SLC25A26: variants seen among roughly 807,000 people sequenced by gnomAD.
SLC25A26 encodes the protein solute carrier family 25 member 26, also known as mitochondrial S-adenosylmethionine carrier protein.
SLC25A26 carries 36 observed loss-of-function variants against 37.8 expected under a neutral mutation model. The ratio of observed to expected loss-of-function variants is 0.95; its 90% CI spans 0.73 to 1.26. SLC25A26 has a LOEUF of 1.26. Ranked by LOEUF, SLC25A26 falls within the 50% of genes most tolerant of loss-of-function variation. The pLI, the probability that SLC25A26 is intolerant of heterozygous loss-of-function variation, is 0.00. For synonymous variants in SLC25A26, 129 were observed against 122.5 expected (o/e 1.05, Z -0.35); for missense variants, 390 against 331.1 (o/e 1.18, Z -1.38).
intron 2 of SLC25A26, among the ~76,000 whole-genome samples, chr3:66,240,409 T>C (rs1042759469): frequency 1.3e-5 from 2 of 152,028 alleles, no homozygotes; most frequent in Non-Finnish European, 2.9e-5. Flanking sequence ...CCCACCTCAG[T>C]CCCAAGTAGC....
intron 1 of SLC25A26, among the ~76,000 whole-genome samples, chr3:66,184,842 C>G (rs2070795415): frequency 6.6e-6 from 1 of 152,072 alleles, no homozygotes; most frequent in Admixed American, 6.6e-5. Context: ...TGACCCTGAC[C>G]AACAACTCAA....
At chr3:66,208,501 T>A (rs1471749896) in intron 1 of SLC25A26, among the ~76,000 whole-genome samples, 3 of 151,742 alleles carry the variant, frequency 2.0e-5, no homozygotes, top group African/African-American at 7.3e-5. Context: ...TCTTTGTGTT[T>A]TGTCTGTCAA....
intron 5 of SLC25A26, among the ~76,000 whole-genome samples, chr3:66,338,177 A>G (rs144619523): frequency 1.1e-3 from 163 of 152,132 alleles, no homozygotes; most frequent in African/African-American, 3.6e-3. Flanking sequence ...CAATGTATCA[A>G]TAATTTTTTT....
rs150225570 is a variant in SLC25A26 at position 66,311,150 on chromosome 3, T to G, written c.454-35214T>G. On this transcript the variant is annotated intron_variant, in intron 5 of 9. Transcript: ENST00000354883. The stretch of plus-strand genomic sequence containing the variant: ...CACCAATCAATCGTAGGTTTGGTCT[T>G]TTCACATAGTCCGATATTTCTTGGA... 3.0e-3 allele frequency among the ~76,000 whole-genome samples: 456 copies of G among 152,294 alleles called. 3 individuals carry two copies. Among genetic ancestry groups the G allele is most frequent in the East Asian group, 0.016 (84 of 5,184 alleles).
intron 5 of SLC25A26, among the ~76,000 whole-genome samples, chr3:66,291,743 G>C (rs1478490365): frequency 2.0e-5 from 3 of 152,194 alleles, no homozygotes; most frequent in Non-Finnish European, 4.4e-5. Flanking sequence ...TTTAGAATAA[G>C]TGCGATGTGT....
In SLC25A26 at chr3:66,172,631, G is replaced by A. The variant is rs189963085; in HGVS notation, c.-354+38647G>A. 3.2e-3 allele frequency among the ~76,000 whole-genome samples: 480 copies of A among 152,238 alleles called. 3 individuals are homozygous for A. The highest frequency in any genetic ancestry group is 0.011 in the African/African-American group (459 of 41,532). ...AAATATATTGTCTCAAAGTTCTAGAGTCCAGAGATCAAGTGTCACCAGGGT... is the reference window on the plus strand; with the variant it reads ...AAATATATTGTCTCAAAGTTCTAGAATCCAGAGATCAAGTGTCACCAGGGT... On this transcript the variant is annotated intron_variant, in intron 1 of 10. Transcript: ENST00000676754.
At chr3:66,333,966 T>G (rs1356581381) in intron 5 of SLC25A26, among the ~76,000 whole-genome samples, 1 of 152,118 alleles carries the variant, frequency 6.6e-6, no homozygotes, top group African/African-American at 2.4e-5. Flanking sequence ...TTGAAAATGG[T>G]AATGGAGGTA....
intron 4 of SLC25A26, 111 bp from the exon 5 acceptor site, chr3:66,263,221 A>AT: frequency 1.3e-6 from 1 of 747,082 alleles, no homozygotes; most frequent in Non-Finnish European, 2.4e-6. Context: ...AAGTGTGGCA[A>AT]TTGTGAATGT....
At chr3:66,342,844 G>C (rs948349985) in intron 5 of SLC25A26, among the ~76,000 whole-genome samples, 6 of 152,110 alleles carry the variant, frequency 3.9e-5, no homozygotes, top group African/African-American at 1.4e-4. Flanking sequence ...GATGGTAGCT[G>C]GGTTTACTGC....
chr3:66,342,492 A>G (rs1484950706), intron 5 of SLC25A26, among the ~76,000 whole-genome samples: 7 of 152,182 alleles, frequency 4.6e-5, no homozygotes, highest in African/African-American at 1.2e-4. Flanking sequence ...TAATATCTTC[A>G]TATCTCTTCA....
intron 5 of SLC25A26, among the ~76,000 whole-genome samples, chr3:66,264,521 C>A (rs1023427476): frequency 2.6e-5 from 4 of 152,166 alleles, no homozygotes; most frequent in Non-Finnish European, 5.9e-5. Context: ...CCTGTCAGAT[C>A]AGCAGCAGCA....
At chr3:66,371,941 A>G (rs961398467) in intron 9 of SLC25A26, among the ~76,000 whole-genome samples, 8 of 152,270 alleles carry the variant, frequency 5.3e-5, no homozygotes, top group Admixed American at 1.3e-4. Flanking sequence ...TAAAAAATAA[A>G]TAAATAAATT....
chr3:66,194,395 AT>A (rs2071005000), intron 1 of SLC25A26, among the ~76,000 whole-genome samples: 1 of 152,142 alleles, frequency 6.6e-6, no homozygotes, highest in Admixed American at 6.5e-5. Flanking sequence ...AGAGGTGCTC[AT>A]TTTACTAGAA....
chr3:66,172,328 T>G (rs904369056), intron 1 of SLC25A26, among the ~76,000 whole-genome samples: 7 of 145,528 alleles, frequency 4.8e-5, no homozygotes, highest in Non-Finnish European at 1.0e-4. Context: ...GAAGGATTGC[T>G]TGGGCCCAGG....
At chr3:66,200,478 C>G (rs1426513729) in intron 1 of SLC25A26, among the ~76,000 whole-genome samples, 2 of 152,204 alleles carry the variant, frequency 1.3e-5, no homozygotes, top group African/African-American at 4.8e-5. Flanking sequence ...ACAATGGATC[C>G]TTTTAGCATC....
At chr3:66,192,706 T>C (rs2070969890) in intron 1 of SLC25A26, among the ~76,000 whole-genome samples, 1 of 152,142 alleles carries the variant, frequency 6.6e-6, no homozygotes, top group African/African-American at 2.4e-5. Context: ...AAAATACATA[T>C]CAAAGGCACA....
intron 1 of SLC25A26, among the ~76,000 whole-genome samples, chr3:66,171,014 G>A (rs1044348124): frequency 9.3e-5 from 14 of 150,978 alleles, no homozygotes; most frequent in African/African-American, 3.4e-4. Flanking sequence ...CGTTTTAGCC[G>A]GGATGGTCTC....
At chr3:66,246,475 T>TC (rs1290048441) in intron 3 of SLC25A26, among the ~76,000 whole-genome samples, 1 of 152,224 alleles carries the variant, frequency 6.6e-6, no homozygotes, top group Non-Finnish European at 1.5e-5. Flanking sequence ...ATTCTGATGC[T>TC]CCTAGTATCT....
chr3:66,241,280 A>T (rs2072572314), intron 2 of SLC25A26, among the ~76,000 whole-genome samples: 1 of 151,846 alleles, frequency 6.6e-6, no homozygotes, highest in African/African-American at 2.4e-5. Flanking sequence ...TGGATGTTAT[A>T]AAAAAAATCC....
Sources: allele counts gnomAD v4.1 joint callset (sites outside exome capture counted in the v4.1 genomes callset), GRCh38; gene constraint gnomAD v4.1.1; transcripts MANE v1.5; gene names NCBI Gene and HGNC (gene_info 2026-07-23, HGNC 2026-07-21).